Variants in ZDHHC21 observed in about 807,000 individuals in gnomAD.
ZDHHC21 encodes zDHHC palmitoyltransferase 21.
In ZDHHC21, 15 loss-of-function variants were observed where a neutral mutation model predicts 34.6. The ratio of observed to expected loss-of-function variants is 0.43; its 90% CI spans 0.29 to 0.67. The LOEUF is 0.67. ZDHHC21 is among the 30% of genes least tolerant of loss of function. The pLI is 0.14. For missense variants in ZDHHC21, 344 were observed against 327.7 expected (o/e 1.05, Z -0.38); for synonymous variants, 142 against 101.8 (o/e 1.40, Z -2.38).
intron 2 of ZDHHC21, chr9:14,683,635 G>C (rs1837769379): frequency 6.6e-6 from 1 of 152,172 alleles, no homozygotes; most frequent in Non-Finnish European, 1.5e-5. Context: ...AGGAGGAGCT[G>C]GTACCATTCC....
At position 14,618,032 on chromosome 9, in the gene ZDHHC21, T is replaced by C. The variant is rs1258427678; in HGVS notation, c.*934A>G. ...AAGTATACTCTTTTCAAAAGCACAA[T>C]ATTCCTCTTTATACTGTACATTATA... On this transcript the variant is annotated 3_prime_UTR_variant, in exon 10 of 10. Coordinates refer to ENST00000380916, the MANE Select transcript of ZDHHC21 (RefSeq NM_178566.6). The C allele has an allele frequency of 1.3e-5, 2 of 152,492 alleles. No homozygotes were observed. Among genetic ancestry groups the C allele is most frequent in the Non-Finnish European group, 2.9e-5 (2 of 67,970 alleles). 9.4% of individuals were successfully genotyped at this position (152,492 alleles called of 1,614,324 possible). A position where few individuals can be genotyped will look rare whatever the true frequency, so the allele number is the denominator to read the frequency against.
the ZDHHC21 span, among the ~76,000 whole-genome samples, chr9:14,595,053 C>G: frequency 2.6e-4 from 40 of 152,128 alleles, no homozygotes; most frequent in African/African-American, 9.4e-4. Flanking sequence ...CTGAAAAACT[C>G]ATACATTTCT....
chr9:14,653,388 AT>A lies in ZDHHC21; in HGVS notation c.504+5360del, dbSNP rs777901799. Among the ~76,000 whole-genome samples the A allele has an allele frequency of 3.3e-5, 5 of 151,974 alleles. No homozygotes were observed. The South Asian group carries it at 8.3e-4, about 25-fold the overall frequency. ...GACTTTGGTTCTGAAATTATTGGTA[AT>A]TTTTTTCTACCTTTATGAAAAACAC... On this transcript the variant is annotated intron_variant, in intron 7 of 9. Coordinates refer to ENST00000380916, the MANE Select transcript of ZDHHC21 (RefSeq NM_178566.6).
the ZDHHC21 span, among the ~76,000 whole-genome samples, chr9:14,601,523 C>A: frequency 6.6e-6 from 1 of 152,086 alleles, no homozygotes; most frequent in African/African-American, 2.4e-5. Flanking sequence ...TGTGGAAAAA[C>A]AGGAACACTT....
chr9:14,610,887 G>A (rs572943850), downstream of ZDHHC21, among the ~76,000 whole-genome samples: 2 of 152,128 alleles, frequency 1.3e-5, no homozygotes, highest in East Asian at 3.9e-4. Flanking sequence ...TGTACACCTA[G>A]TTCTTTTTGA....
chr9:14,686,226 A>T (rs1286283398), intron 2 of ZDHHC21, among the ~76,000 whole-genome samples: 1 of 152,118 alleles, frequency 6.6e-6, no homozygotes, highest in Non-Finnish European at 1.5e-5. Flanking sequence ...AAATAAATAA[A>T]AAAAGAAAGA....
At chr9:14,648,942 T>G (rs1369386464) in intron 7 of ZDHHC21, among the ~76,000 whole-genome samples, 1 of 151,676 alleles carries the variant, frequency 6.6e-6, no homozygotes, top group East Asian at 1.9e-4. Context: ...AGTAAAAATT[T>G]TTTTTTTCTT....
intron 4 of ZDHHC21, among the ~76,000 whole-genome samples, chr9:14,673,471 G>C (rs1835833492): frequency 6.6e-6 from 1 of 151,352 alleles, no homozygotes; most frequent in South Asian, 2.1e-4. Flanking sequence ...AAACAGATTT[G>C]GCCACCATAA....
intron 8 of ZDHHC21, among the ~76,000 whole-genome samples, chr9:14,639,179 T>C (rs993134591): frequency 3.9e-5 from 6 of 152,080 alleles, no homozygotes; most frequent in African/African-American, 1.4e-4. Context: ...CTATGAGCCA[T>C]AAAAAGAATG....
intron 8 of ZDHHC21, among the ~76,000 whole-genome samples, chr9:14,624,720 G>A (rs1044251159): frequency 6.6e-6 from 1 of 152,062 alleles, no homozygotes; most frequent in South Asian, 2.1e-4. Context: ...GTAATAAATT[G>A]TGGTGTTCTA....
chr9:14,672,976 A>AT (rs1216714232), intron 4 of ZDHHC21, 48 bp from the exon 5 acceptor site: 54 of 1,190,298 alleles, frequency 4.5e-5, no homozygotes, highest in Non-Finnish European at 5.6e-5. Context: ...CCTTCAAAAC[A>AT]TTTTATCAAC....
chr9:14,638,444 G>C (rs1260780012), intron 8 of ZDHHC21, among the ~76,000 whole-genome samples: 1 of 152,006 alleles, frequency 6.6e-6, no homozygotes, highest in Non-Finnish European at 1.5e-5. Context: ...GAAACTACCA[G>C]AGGAAAACTT....
chr9:14,685,925 A>G (rs763992310), intron 2 of ZDHHC21, among the ~76,000 whole-genome samples: 44 of 152,202 alleles, frequency 2.9e-4, no homozygotes, highest in Non-Finnish European at 5.6e-4. Context: ...TGAAGCCTGA[A>G]ACCATCATTC....
In ZDHHC21 at chr9:14,672,942, A is replaced by G; in HGVS notation, c.155-14T>C. 7.0e-7 allele frequency: 1 copy of G among 1,437,732 alleles called. No homozygotes were observed. Among genetic ancestry groups the G allele is most frequent in the Non-Finnish European group, 9.5e-7 (1 of 1,051,350 alleles). The allele number at this position is 1,437,732 out of a possible 1,614,324, so 89.1% of individuals were successfully genotyped here. A position where few individuals can be genotyped will look rare whatever the true frequency, so the allele number is the denominator to read the frequency against. Reference sequence around the variant, plus strand: ...TGCCATAGAATACTTTAAAATAAATAAATTAAATAAATTAGTCACTTACCC... The same window carrying G: ...TGCCATAGAATACTTTAAAATAAATGAATTAAATAAATTAGTCACTTACCC... On this transcript the variant is annotated splice_polypyrimidine_tract_variant and intron_variant, in intron 4 of 9. Coordinates refer to ENST00000380916, the MANE Select transcript of ZDHHC21 (RefSeq NM_178566.6).
At chr9:14,591,902 ATC>A in the ZDHHC21 span, among the ~76,000 whole-genome samples, 7,076 of 152,112 alleles carry the variant, frequency 0.047, 525 homozygotes, top group African/African-American at 0.16. Context: ...CTTGCATGAT[ATC>A]TGTTTTTTAA....
At chr9:14,606,625 A>C (rs1400965501), downstream of ZDHHC21, among the ~76,000 whole-genome samples, 1 of 152,182 alleles carries the variant, frequency 6.6e-6, no homozygotes, top group African/African-American at 2.4e-5. Context: ...GACCATAAAA[A>C]AATGGTTGGT....
chr9:14,602,679 A>G, the ZDHHC21 span, among the ~76,000 whole-genome samples: 1 of 152,196 alleles, frequency 6.6e-6, no homozygotes, highest in Non-Finnish European at 1.5e-5. Flanking sequence ...AAATGGGATG[A>G]CATTTTTAAA....
chr9:14,647,315 A>T (rs1830423987), intron 7 of ZDHHC21, among the ~76,000 whole-genome samples: 1 of 152,132 alleles, frequency 6.6e-6, no homozygotes, highest in Non-Finnish European at 1.5e-5. Flanking sequence ...GAAGAGTCAG[A>T]TTTGGCTATT....
Position 14,672,856 on chromosome 9 carries a change from G to A in ZDHHC21, c.227C>T (p.Pro76Leu), listed in dbSNP as rs1213203834. ...RASITDPGRL[P>L]ENPKIPHGER... ...TCCATGTGGGATCTTGGGGTTCTCA[G>A]GGAGTCTTCCTGGATCAGTTATGGA... Residue 76 changes from proline (P) to leucine (L), a missense_variant, in exon 5 of 10, where the codon CCT (proline) becomes CTT (leucine). Coordinates refer to ENST00000380916, the MANE Select transcript of ZDHHC21 (RefSeq NM_178566.6). 3.1e-6 allele frequency: 5 copies of A among 1,608,638 alleles called. No homozygotes were observed. The East Asian group carries it at 8.9e-5, about 29-fold the overall frequency.
Sources: allele counts gnomAD v4.1 joint callset (sites outside exome capture counted in the v4.1 genomes callset), GRCh38; gene constraint gnomAD v4.1.1; transcripts MANE v1.5; gene names NCBI Gene and HGNC (gene_info 2026-07-23, HGNC 2026-07-21).